The following SLC52A3 variants were observed in gnomAD, a reference collection of about 807,000 sequenced individuals.
The protein encoded by SLC52A3 is solute carrier family 52, riboflavin transporter, member 3.
SLC52A3 carries 20 observed loss-of-function variants against 29.5 expected under a neutral mutation model. That is an observed-to-expected ratio of 0.68 (90% confidence interval 0.48 to 0.99). The LOEUF (loss-of-function observed/expected upper bound fraction) is 0.99. Among genes scored for constraint, SLC52A3 ranks in the 50% least tolerant of loss-of-function variants. The pLI is 0.00. For synonymous variants in SLC52A3, 301 were observed against 271.0 expected (o/e 1.11, Z -1.09); for missense variants, 548 against 612.9 (o/e 0.89, Z 1.12).
chr20:764,883 A>G (rs1986623159), intron 2 of SLC52A3, among the ~76,000 whole-genome samples: 1 of 152,174 alleles, frequency 6.6e-6, no homozygotes, highest in Non-Finnish European at 1.5e-5. Context: ...TGCAATGTTT[A>G]TTCACCATAA....
rs1167512470 is a variant in SLC52A3 at position 761,123 on chromosome 20, A to G, written c.1313T>C (p.Leu438Pro). Residue 438 changes from leucine (L) to proline (P), a missense_variant, in exon 5 of 5, where the codon CTG becomes CCG. Physicochemically the swap from Leu to Pro is moderately conservative, Grantham distance 98. Around this residue, in one of 2 missense-constraint regions of SLC52A3, gnomAD observed 173 missense variants for 141.8 expected, o/e 1.22. Coordinates refer to ENST00000645534, the MANE Select transcript of SLC52A3 (RefSeq NM_033409.4). ...ALLWCGAAVQ[L>P]GSLLGALLMF... ...GAGCAGCGCTCCGAGCAGCGAGCCC[A>G]GCTGCACCGCCGCCCCGCACCACAA... 2 of 1,599,246 alleles carry G rather than the reference A, an allele frequency of 1.3e-6. No homozygotes were observed. The highest frequency in any genetic ancestry group is 3.4e-5 in the Admixed American group (2 of 58,378).
chr20:761,680 C>T (rs1758269403), intron 4 of SLC52A3, 21 bp downstream of exon 4: 2 of 1,613,002 alleles, frequency 1.2e-6, no homozygotes, highest in South Asian at 2.2e-5. Context: ...GCGGGAGCAG[C>T]CCCACCGGCC....
chr20:774,403 C>T (rs1312707600), intron 1 of SLC52A3, among the ~76,000 whole-genome samples: 2 of 152,102 alleles, frequency 1.3e-5, no homozygotes. Context: ...GCCTCACCCT[C>T]ATGAGAGTGG....
Position 765,998 on chromosome 20 carries a change from G to A in SLC52A3, c.-51-173C>T. 1.7e-6 allele frequency: 1 copy of A among 572,110 alleles called. No individual in the cohort carries two copies. The highest frequency in any genetic ancestry group is 3.1e-6 in the Non-Finnish European group (1 of 320,892). The allele number at this position is 572,110 out of a possible 1,614,324, so 35.4% of individuals were successfully genotyped here. ...TTTAGTCCAGGCTGGAGTGCAATGG[G>A]ATGATCTCGGCTCAGTGACCCTCTG... On this transcript the variant is annotated intron_variant, in intron 1 of 4. Transcript: ENST00000645534. This position sits in a 1 kb window ranked among gnomAD's most constrained non-coding sequence, Gnocchi z 6.6.
upstream of SLC52A3, among the ~76,000 whole-genome samples, chr20:776,733 T>C (rs943952364): frequency 1.3e-5 from 2 of 152,030 alleles, no homozygotes; most frequent in African/African-American, 4.8e-5. Flanking sequence ...TGAGGGGTTT[T>C]TCAAAGGCAG....
intron 1 of SLC52A3, among the ~76,000 whole-genome samples, chr20:775,539 A>G (rs527659): frequency 0.47 from 72,051 of 151,918 alleles, 17,478 homozygotes; most frequent in East Asian, 0.75. Flanking sequence ...CTCAGTCTCC[A>G]GAAGTGCTGG....
Position 761,187 on chromosome 20 carries a change from G to A in SLC52A3, c.1249C>T (p.Leu417=). 1 of 1,568,478 alleles carries A rather than the reference G, an allele frequency of 6.4e-7. No individual in the cohort carries two copies. Among genetic ancestry groups the A allele is most frequent in the South Asian group, 1.2e-5 (1 of 85,478 alleles). ...SGCLSYVKVM[L]GVVLRDLSRS... Reference sequence around the variant, plus strand: ...CTGAGGTCGCGCAGGACCACGCCCAGCATCACCTTGACGTAACTGAGGCAG... The same window carrying A: ...CTGAGGTCGCGCAGGACCACGCCCAACATCACCTTGACGTAACTGAGGCAG... The change falls in exon 5 of 5, where the codon CTG becomes TTG. Residue 417 remains leucine, a synonymous_variant. Coordinates refer to ENST00000645534, the MANE Select transcript of SLC52A3 (RefSeq NM_033409.4).
chr20:761,873 A>C, intron 3 of SLC52A3, 49 bp from the exon 4 acceptor site: 1 of 1,611,510 alleles, frequency 6.2e-7, no homozygotes. Context: ...CTGACCTCTG[A>C]CCCCCCCGCC....
At chr20:769,014 G>A (rs1986772705), upstream of SLC52A3, among the ~76,000 whole-genome samples, 2 of 152,232 alleles carry the variant, frequency 1.3e-5, no homozygotes, top group South Asian at 4.1e-4. Context: ...ATTTCAGGTT[G>A]TTCTTGTGTG....
chr20:770,776 G>A (rs1179969659), upstream of SLC52A3, among the ~76,000 whole-genome samples: 1 of 152,208 alleles, frequency 6.6e-6, no homozygotes, highest in Non-Finnish European at 1.5e-5. The surrounding 1 kb of genome is among the most constrained non-coding windows in gnomAD (Gnocchi z 4.5). Context: ...TAAAAGCGAG[G>A]TATTTTGTGG....
rs910858 is a variant in SLC52A3, at chr20:763,183, G to A, written c.1073+315C>T. Among the ~76,000 whole-genome samples, 98,588 of 152,092 alleles carry A rather than the reference G, an allele frequency of 0.65. 33,535 individuals are homozygous for A. The highest frequency in any genetic ancestry group is 0.87 in the East Asian group (4,477 of 5,154). Reference sequence around the variant, plus strand: ...TGGACTGATGACAATGATGGTCAACGCTTAGGCTGGACCTGCCACGTGCCA... The same window carrying A: ...TGGACTGATGACAATGATGGTCAACACTTAGGCTGGACCTGCCACGTGCCA... On this transcript the variant is annotated intron_variant, in intron 3 of 4. Coordinates refer to ENST00000645534, the MANE Select transcript of SLC52A3 (RefSeq NM_033409.4).
At chr20:778,811 C>T (rs1007835504), upstream of SLC52A3, among the ~76,000 whole-genome samples, 1 of 151,826 alleles carries the variant, frequency 6.6e-6, no homozygotes, top group Non-Finnish European at 1.5e-5. Context: ...AACTCCTGAC[C>T]TCAGGTGATC....
chr20:775,225 A>G (rs1036622070), intron 1 of SLC52A3, among the ~76,000 whole-genome samples: 84 of 149,834 alleles, frequency 5.6e-4, no homozygotes, highest in Non-Finnish European at 9.2e-4. Context: ...TTGTTCCGAG[A>G]TAGCATGGAG....
intron 1 of SLC52A3, among the ~76,000 whole-genome samples, chr20:775,503 T>C (rs1986988242): frequency 6.6e-6 from 1 of 152,058 alleles, no homozygotes; most frequent in South Asian, 2.1e-4. Flanking sequence ...GGTCTTGAAC[T>C]CCCTGAGCTC....
Position 761,756 on chromosome 20 carries a change from G to T in SLC52A3, c.1142C>A (p.Ala381Glu). The change falls in exon 4 of 5, where the codon GCG becomes GAG. Residue 381 changes from alanine (A) to glutamate (E), a missense_variant. Around this residue, in one of 2 missense-constraint regions of SLC52A3, gnomAD observed 173 missense variants for 141.8 expected, o/e 1.22. Coordinates refer to ENST00000645534, the MANE Select transcript of SLC52A3 (RefSeq NM_033409.4). Reference protein sequence around the residue: ...TCFGGYNMAMAVMSPCPLLQG... With the variant: ...TCFGGYNMAMEVMSPCPLLQG... Reference sequence around the variant, plus strand: ...CAAGAGGGGGCAGGGGCTCATCACCGCCATGGCCATGTTGTAGCCCCCAAA... The same window carrying T: ...CAAGAGGGGGCAGGGGCTCATCACCTCCATGGCCATGTTGTAGCCCCCAAA... The T allele has an allele frequency of 6.2e-7, 1 of 1,614,112 alleles. No individual in the cohort carries two copies. The highest frequency in any genetic ancestry group is 8.5e-7 in the Non-Finnish European group (1 of 1,180,018).
At chr20:767,970 G>T (rs1336127122) in intron 1 of SLC52A3, among the ~76,000 whole-genome samples, 4 of 152,176 alleles carry the variant, frequency 2.6e-5, no homozygotes, top group African/African-American at 9.7e-5. Flanking sequence ...AGCTGTTTGA[G>T]TTTGACCCTG....
intron 4 of SLC52A3, 61 bp downstream of exon 4, chr20:761,640 C>G (rs765160050): frequency 4.4e-6 from 7 of 1,606,056 alleles, no homozygotes; most frequent in Non-Finnish European, 5.9e-6. Flanking sequence ...CAAGCTCTCC[C>G]AGGCCTTGGC....
chr20:768,819 G>A (rs1010136918), upstream of SLC52A3, among the ~76,000 whole-genome samples: 3 of 152,158 alleles, frequency 2.0e-5, no homozygotes, highest in Admixed American at 6.5e-5. Flanking sequence ...GTGCCAAGAG[G>A]ACCCAAGGAG....
At chr20:761,285 G>A (rs1280117359) in intron 4 of SLC52A3, 47 bp from the exon 5 acceptor site, 7 of 1,510,766 alleles carry the variant, frequency 4.6e-6, no homozygotes, top group Non-Finnish European at 6.2e-6. Flanking sequence ...GGCTTGCGGG[G>A]CGAGCGCCGG....
Sources: gnomAD v4.1 joint callset for allele counts (sites outside exome capture counted in the v4.1 genomes callset) on GRCh38, gnomAD v4.1.1 for gene constraint, gnomAD v4.1.1 regional missense constraint, Gnocchi (gnomAD v3.1) non-coding constraint, MANE v1.5 for transcripts, NCBI Gene and HGNC (gene_info 2026-07-23, HGNC 2026-07-21) for gene names.